Variants in REEP5 observed in about 807,000 individuals in gnomAD.
REEP5 encodes the protein receptor accessory protein 5.
In REEP5, 24 loss-of-function variants were observed where a neutral mutation model predicts 22.4. The observed-to-expected ratio is 1.07, with a 90% CI of 0.78 to 1.51. The LOEUF is 1.51. REEP5 is among the 40% of genes most tolerant of loss of function. The pLI is 0.00. For missense variants in REEP5, 252 were observed against 233.0 expected (o/e 1.08, Z -0.53); for synonymous variants, 103 against 88.6 (o/e 1.16, Z -0.92).
intron 4 of REEP5, 53 bp downstream of exon 4, chr5:112,886,962 C>T (rs549888757): frequency 2.2e-6 from 3 of 1,347,386 alleles, no homozygotes; most frequent in Non-Finnish European, 3.1e-6. Context: ...TATTTGAGCC[C>T]AGTGTGTCAC....
chr5:112,906,919 A>C (rs1230857066), intron 2 of REEP5, among the ~76,000 whole-genome samples: 1 of 152,204 alleles, frequency 6.6e-6, no homozygotes, highest in Non-Finnish European at 1.5e-5. Flanking sequence ...CCTTTCCAGT[A>C]ATGAGTGAGA....
At chr5:112,884,758 T>G (rs1349185488) in intron 4 of REEP5, among the ~76,000 whole-genome samples, 1 of 138,800 alleles carries the variant, frequency 7.2e-6, no homozygotes, top group African/African-American at 3.0e-5. Flanking sequence ...TTTAAAATCA[T>G]AACCATCCCT....
At chr5:112,897,735 A>C (rs1768733680) in intron 3 of REEP5, 3 of 152,164 alleles carry the variant, frequency 2.0e-5, no homozygotes, top group Admixed American at 2.0e-4. Flanking sequence ...TAAAGCCAAC[A>C]ATATTAACTC....
intron 3 of REEP5, 65 bp from the exon 4 acceptor site, chr5:112,887,248 A>C (rs1768284305): frequency 7.3e-7 from 1 of 1,366,082 alleles, no homozygotes; most frequent in African/African-American, 1.4e-5. Context: ...GAGAATACAC[A>C]CTGTCTTTCA....
At chr5:112,915,124 A>C (rs1769203023) in intron 2 of REEP5, among the ~76,000 whole-genome samples, 2 of 152,192 alleles carry the variant, frequency 1.3e-5, no homozygotes, top group Non-Finnish European at 2.9e-5. Context: ...TCAGTCCTGA[A>C]AAAGAGAAGT....
chr5:112,916,920 TAGAC>T (rs974931599), intron 2 of REEP5, among the ~76,000 whole-genome samples: 18 of 152,306 alleles, frequency 1.2e-4, no homozygotes, highest in African/African-American at 3.6e-4. Flanking sequence ...GCAAAGCACT[TAGAC>T]AGAGATATGT....
chr5:112,905,119 G>A (rs571799184), intron 2 of REEP5, among the ~76,000 whole-genome samples: 2 of 152,200 alleles, frequency 1.3e-5, no homozygotes, highest in African/African-American at 4.8e-5. Context: ...GTCTTTATGT[G>A]TCATAACAAT....
intron 3 of REEP5, among the ~76,000 whole-genome samples, chr5:112,888,645 C>G (rs1002399804): frequency 7.9e-5 from 12 of 151,204 alleles, no homozygotes; most frequent in African/African-American, 2.9e-4. Flanking sequence ...CCAGACTCCC[C>G]TTATCTCAAC....
At chr5:112,906,775 A>T (rs1438298590) in intron 2 of REEP5, among the ~76,000 whole-genome samples, 3 of 152,172 alleles carry the variant, frequency 2.0e-5, no homozygotes, top group African/African-American at 7.2e-5. Context: ...TGTGCAGGTG[A>T]TCATAATGCA....
chr5:112,913,357 GAA>G (rs989250152), intron 2 of REEP5, among the ~76,000 whole-genome samples: 4 of 136,706 alleles, frequency 2.9e-5, no homozygotes, highest in African/African-American at 1.2e-4. Flanking sequence ...AAGAAAGAAA[GAA>G]AGGAAAGAAA....
chr5:112,877,277 TATCTC>T lies in REEP5; in HGVS notation c.*1504_*1508del, dbSNP rs1234616488. Reference sequence around the variant, plus strand: ...CATTGTTATGATCTTACCTGATTGTTATCTCAAGGTGAGCTAATCATCTTTATTTG... The same window carrying T: ...CATTGTTATGATCTTACCTGATTGTTAAGGTGAGCTAATCATCTTTATTTG... On this transcript the variant is annotated 3_prime_UTR_variant, in exon 5 of 5. Coordinates refer to ENST00000379638, the MANE Select transcript of REEP5 (RefSeq NM_005669.5). The T allele has an allele frequency of 6.6e-6, 1 of 152,220 alleles. No individual in the cohort carries two copies. Among genetic ancestry groups the T allele is most frequent in the Non-Finnish European group, 1.5e-5 (1 of 68,026 alleles). The allele number at this position is 152,220 out of a possible 1,614,324, so 9.4% of individuals were successfully genotyped here. A position where few individuals can be genotyped will look rare whatever the true frequency, so the allele number is the denominator to read the frequency against.
chr5:112,885,722 C>T (rs1768222791), intron 4 of REEP5: 2 of 301,428 alleles, frequency 6.6e-6, no homozygotes, highest in Non-Finnish European at 6.9e-6. Flanking sequence ...ACATTATCAG[C>T]CAAGCTTGAA....
chr5:112,890,189 T>A (rs931008205), intron 3 of REEP5, among the ~76,000 whole-genome samples: 1 of 149,406 alleles, frequency 6.7e-6, no homozygotes, highest in African/African-American at 2.5e-5. Context: ...TCCTGGGAGG[T>A]TGAGGTGGGA....
rs567139558 is a variant in REEP5 at position 112,902,622 on chromosome 5, G to A, written c.213-104C>T. The stretch of plus-strand genomic sequence containing the variant: ...TCCTCTGATACCACTGAGAAACTTA[G>A]GCACATGTAGGCACTGTGTCACTAG... On this transcript the variant is annotated intron_variant, in intron 2 of 4. Transcript: ENST00000379638. 6 of 949,798 alleles carry A rather than the reference G, an allele frequency of 6.3e-6. No homozygotes were observed. The Admixed American group carries it at 1.7e-4, about 27-fold the overall frequency. The allele number at this position is 949,798 out of a possible 1,614,324, so 58.8% of individuals were successfully genotyped here.
intron 3 of REEP5, chr5:112,891,994 C>G: frequency 7.9e-7 from 1 of 1,263,220 alleles, no homozygotes; most frequent in Non-Finnish European, 1.2e-6. Flanking sequence ...ATGGAAAGAA[C>G]AGCAGAGGAA....
At chr5:112,911,495 G>A (rs763448700) in intron 2 of REEP5, among the ~76,000 whole-genome samples, 3 of 152,160 alleles carry the variant, frequency 2.0e-5, no homozygotes, top group African/African-American at 7.2e-5. Flanking sequence ...ACAGGAAAGG[G>A]ACAACCTTCC....
intron 2 of REEP5, among the ~76,000 whole-genome samples, chr5:112,911,244 C>T (rs114978985): frequency 6.6e-6 from 1 of 152,202 alleles, no homozygotes; most frequent in Non-Finnish European, 1.5e-5. Context: ...TCTGCTGTAG[C>T]GCCTTGAAAT....
rs1767948033 is a variant in REEP5 at position 112,877,979 on chromosome 5, CTCTGTGTGTGTG to C, written c.*795_*806del. ...TCAGGGAATTGAGAGTTACAGGTTA[CTCTGTGTGTGTG>C]TGTGTGTGTGTGTGTGTGTGTGTGT... On this transcript the variant is annotated 3_prime_UTR_variant, in exon 5 of 5. Transcript: ENST00000379638. 1 of 115,382 alleles carries C rather than the reference CTCTGTGTGTGTG, an allele frequency of 8.7e-6. No homozygotes were observed. The highest frequency in any genetic ancestry group is 3.6e-5 in the African/African-American group (1 of 27,398). The allele number at this position is 115,382 out of a possible 1,614,324, so 7.1% of individuals were successfully genotyped here. A position where few individuals can be genotyped will look rare whatever the true frequency, so the allele number is the denominator to read the frequency against.
chr5:112,902,352 A>T, intron 3 of REEP5, 28 bp downstream of exon 3: 1 of 1,589,836 alleles, frequency 6.3e-7, no homozygotes, highest in Non-Finnish European at 8.5e-7. Context: ...ACTGAGATGG[A>T]GTTTTAGTGG....
Sources: gnomAD v4.1 joint callset for allele counts (sites outside exome capture counted in the v4.1 genomes callset) on GRCh38, gnomAD v4.1.1 for gene constraint, MANE v1.5 for transcripts, NCBI Gene and HGNC (gene_info 2026-07-23, HGNC 2026-07-21) for gene names.